The following TSPEAR variants were observed in gnomAD, a reference collection of about 807,000 sequenced individuals.
The protein encoded by TSPEAR is thrombospondin type laminin G domain and EAR repeats, also known as thrombospondin-type laminin G domain and EAR repeat-containing protein.
Under a neutral mutation model 71.6 loss-of-function variants are expected in TSPEAR, and 69 were observed. The observed-to-expected ratio is 0.96, with a 90% CI of 0.79 to 1.18. The LOEUF (loss-of-function observed/expected upper bound fraction) is 1.18, where lower values mean the gene tolerates loss of function less well. TSPEAR is among the 50% of genes most tolerant of loss of function. The pLI, the probability that TSPEAR is intolerant of heterozygous loss-of-function variation, is 0.00. For missense variants in TSPEAR, 971 were observed against 894.9 expected (o/e 1.09, Z -1.09); for synonymous variants, 402 against 387.2 (o/e 1.04, Z -0.45).
At chr21:44,521,316 C>T (rs1450726917) in intron 9 of TSPEAR, among the ~76,000 whole-genome samples, 16 of 152,224 alleles carry the variant, frequency 1.1e-4, no homozygotes, top group African/African-American at 3.4e-4. Context: ...GCAGGCAGCA[C>T]GCTGTCCCTG....
In TSPEAR at chr21:44,612,135, T is replaced by C; in HGVS notation, c.83-44130A>G. 1.2e-6 allele frequency: 2 copies of C among 1,614,094 alleles called. No individual in the cohort carries two copies. The highest frequency in any genetic ancestry group is 1.7e-6 in the Non-Finnish European group (2 of 1,180,002). On this transcript the variant is annotated intron_variant, in intron 1 of 11. Transcript: ENST00000323084. The surrounding 1 kb of genome is among the most constrained non-coding windows in gnomAD (Gnocchi z 4.1). ...GCCTGCTGCACCAGGACGTATGTGA[T>C]TGCTGCATCCACCATGTCTGTCTGC...
At chr21:44,558,520 G>C (rs782505465) in intron 2 of TSPEAR, 10 of 1,613,620 alleles carry the variant, frequency 6.2e-6, no homozygotes, top group Middle Eastern at 1.7e-4. Flanking sequence ...GACTGGCAGG[G>C]GCTGGGCTCA....
At chr21:44,706,976 C>T (rs1256055634) in intron 1 of TSPEAR, among the ~76,000 whole-genome samples, 4 of 152,228 alleles carry the variant, frequency 2.6e-5, no homozygotes, top group African/African-American at 7.2e-5. Context: ...AGGACAAAGG[C>T]GGGCTGGGAA....
At chr21:44,514,610 G>A (rs1555913122) in intron 9 of TSPEAR, among the ~76,000 whole-genome samples, 2 of 152,166 alleles carry the variant, frequency 1.3e-5, no homozygotes, top group African/African-American at 2.4e-5. Context: ...AACCTATTTT[G>A]GAGTCCACAT....
At chr21:44,500,602 C>T (rs971955658) in intron 11 of TSPEAR, among the ~76,000 whole-genome samples, 1 of 152,256 alleles carries the variant, frequency 6.6e-6, no homozygotes, top group Non-Finnish European at 1.5e-5. Context: ...GGCTTCTGCT[C>T]TCACGGGAAA....
At chr21:44,537,811 A>C (rs1171019259) in intron 2 of TSPEAR, among the ~76,000 whole-genome samples, 1 of 152,222 alleles carries the variant, frequency 6.6e-6, no homozygotes, top group Non-Finnish European at 1.5e-5. Context: ...CCACAAGAAA[A>C]ACACACATAG....
chr21:44,703,890 A>G (rs1291903912), intron 1 of TSPEAR, among the ~76,000 whole-genome samples: 1 of 152,100 alleles, frequency 6.6e-6, no homozygotes, highest in East Asian at 1.9e-4. Context: ...GCCACCGCCC[A>G]GCTCCTGAGT....
In TSPEAR at chr21:44,637,663, G is replaced by A. The variant is rs150687639; in HGVS notation, c.83-69658C>T. ...GCTACCAGCAGTCTAGCTGCCAGCC[G>A]GATTGCTGCACCTCCTCCCCCTGCC... On this transcript the variant is annotated intron_variant, in intron 1 of 11. Transcript: ENST00000323084. 4.0e-5 allele frequency: 63 copies of A among 1,579,050 alleles called. No individual in the cohort carries two copies. The highest frequency in any genetic ancestry group is 3.3e-4 in the Admixed American group (18 of 54,974).
At chr21:44,628,411 C>T (rs1173609988) in intron 1 of TSPEAR, 16 of 317,980 alleles carry the variant, frequency 5.0e-5, no homozygotes, top group East Asian at 4.8e-4. Context: ...GCACCCAGGG[C>T]GGGAGGGGGC....
chr21:44,559,362 A>C (rs1466545078), intron 2 of TSPEAR, among the ~76,000 whole-genome samples: 1 of 152,200 alleles, frequency 6.6e-6, no homozygotes, highest in East Asian at 1.9e-4. Flanking sequence ...TCCTGGGCAG[A>C]GATTGGCTCG....
chr21:44,613,449 G>A (rs371878249), intron 1 of TSPEAR, among the ~76,000 whole-genome samples: 12 of 152,246 alleles, frequency 7.9e-5, no homozygotes, highest in African/African-American at 2.9e-4. Flanking sequence ...TGGGCTGTGG[G>A]GCTCTCCAGG....
At chr21:44,599,765 G>C (rs373630428) in intron 1 of TSPEAR, among the ~76,000 whole-genome samples, 115 of 152,348 alleles carry the variant, frequency 7.5e-4, no homozygotes, top group African/African-American at 2.5e-3. Context: ...CAGATGTCTA[G>C]CTGGGGTGAC....
At position 44,525,362 on chromosome 21, in the gene TSPEAR, C is replaced by T. The variant is rs587669409; in HGVS notation, c.1336+291G>A. 3.3e-5 allele frequency among the ~76,000 whole-genome samples: 5 copies of T among 152,186 alleles called. No homozygotes were observed. In the South Asian group the frequency reaches 1.0e-3, roughly 32 times the overall value. On this transcript the variant is annotated intron_variant, in intron 8 of 11. Coordinates refer to ENST00000323084, the MANE Select transcript of TSPEAR (RefSeq NM_144991.3). ...GTAGTCAGTGAGTTAGGTAGTTAAT[C>T]AGCTAGTCAGTCAGTCAGTTTCAGA... is the stretch of plus-strand genomic sequence containing the variant.
chr21:44,647,288 T>A, intron 1 of TSPEAR: 2 of 1,612,026 alleles, frequency 1.2e-6, no homozygotes, highest in Non-Finnish European at 1.7e-6. Flanking sequence ...GTGTCCCTCC[T>A]CTGCCGCCCC....
At chr21:44,661,176 C>A (rs1312365538) in intron 1 of TSPEAR, among the ~76,000 whole-genome samples, 3 of 142,534 alleles carry the variant, frequency 2.1e-5, no homozygotes, top group South Asian at 2.3e-4. Flanking sequence ...CGGGAGGCTG[C>A]GGCAGGAGAA....
intron 1 of TSPEAR, chr21:44,698,155 C>A: frequency 1.6e-6 from 1 of 631,710 alleles, no homozygotes; most frequent in Non-Finnish European, 2.7e-6. Flanking sequence ...CCCGGCTCTT[C>A]CAGACCACTT....
chr21:44,571,525 C>T (rs1306879140), intron 1 of TSPEAR, among the ~76,000 whole-genome samples: 1 of 152,182 alleles, frequency 6.6e-6, no homozygotes, highest in Non-Finnish European at 1.5e-5. Flanking sequence ...GTGAGCACAC[C>T]TTGCTCCAGA....
At chr21:44,673,915 TAAA>T (rs1412919757) in intron 1 of TSPEAR, among the ~76,000 whole-genome samples, 12 of 144,056 alleles carry the variant, frequency 8.3e-5, no homozygotes, top group African/African-American at 3.0e-4. Context: ...CAAAAAAAAA[TAAA>T]AAGGGAAACA....
At chr21:44,702,648 C>G (rs1192341952) in intron 1 of TSPEAR, 12 of 1,582,580 alleles carry the variant, frequency 7.6e-6, no homozygotes, top group Non-Finnish European at 1.0e-5. Flanking sequence ...GCAGGCCCAC[C>G]TGCTGCATGC....
Sources: allele counts gnomAD v4.1 joint callset (sites outside exome capture counted in the v4.1 genomes callset), GRCh38; gene constraint gnomAD v4.1.1; non-coding constraint Gnocchi (gnomAD v3.1); transcripts MANE v1.5; gene names NCBI Gene and HGNC (gene_info 2026-07-23, HGNC 2026-07-21).